SLC39A8: variants seen among roughly 807,000 people sequenced by gnomAD.
SLC39A8 encodes solute carrier family 39 member 8, also known as metal cation symporter ZIP8.
A neutral mutation model predicts 40.4 loss-of-function variants in SLC39A8; 15 were observed. That is an observed-to-expected ratio of 0.37 (90% CI 0.25 to 0.57). The LOEUF (loss-of-function observed/expected upper bound fraction) is 0.57. SLC39A8 is among the 20% of genes least tolerant of loss of function. SLC39A8 has a pLI of 0.75. For missense variants in SLC39A8, 472 were observed against 558.8 expected (o/e 0.84, Z 1.57); for synonymous variants, 223 against 221.6 (o/e 1.01, Z -0.06).
chr4:102,278,151 T>C (rs1307323189), intron 6 of SLC39A8, among the ~76,000 whole-genome samples: 2 of 152,100 alleles, frequency 1.3e-5, no homozygotes, highest in African/African-American at 4.8e-5. Context: ...CTAATTAAAC[T>C]AAAGAGCTTC....
chr4:102,319,014 A>T (rs888098505), intron 2 of SLC39A8, among the ~76,000 whole-genome samples: 2 of 152,172 alleles, frequency 1.3e-5, no homozygotes, highest in African/African-American at 2.4e-5. Flanking sequence ...CTCTTGCCAC[A>T]TTAGGGTGAC....
intron 6 of SLC39A8, among the ~76,000 whole-genome samples, chr4:102,303,494 C>T (rs1734004202): frequency 6.6e-6 from 1 of 151,922 alleles, no homozygotes. Flanking sequence ...TAAGACAAAC[C>T]TCAGGAACTG....
At chr4:102,312,894 G>A (rs902193575) in intron 3 of SLC39A8, among the ~76,000 whole-genome samples, 1 of 152,102 alleles carries the variant, frequency 6.6e-6, no homozygotes, top group African/African-American at 2.4e-5. Flanking sequence ...ACTGGCTTCA[G>A]AGTCTGTGCT....
intron 2 of SLC39A8, 38 bp downstream of exon 2, chr4:102,344,406 C>A: frequency 7.1e-7 from 1 of 1,416,898 alleles, no homozygotes; most frequent in Non-Finnish European, 9.4e-7. Flanking sequence ...CTAGGGACAC[C>A]CACAGTACGG....
intron 6 of SLC39A8, among the ~76,000 whole-genome samples, chr4:102,296,243 A>G (rs1036301621): frequency 1.3e-5 from 2 of 152,084 alleles, no homozygotes; most frequent in African/African-American, 4.8e-5. Context: ...AATTCTGTAT[A>G]TTTTACCTTC....
Position 102,304,300 on chromosome 4 carries a change from A to C in SLC39A8, c.840+17T>G, listed in dbSNP as rs766165447. The C allele has an allele frequency of 5.0e-6, 8 of 1,596,204 alleles. No homozygotes were observed. Among genetic ancestry groups the C allele is most frequent in the Non-Finnish European group, 6.0e-6 (7 of 1,166,538 alleles). On this transcript the variant is annotated intron_variant, in intron 6 of 8. Coordinates refer to ENST00000356736, the MANE Select transcript of SLC39A8 (RefSeq NM_001135146.2). ...AAGAATGCAGTATAATGAAGGAAAA[A>C]TGGAATTAACATATACCTGTAGAGA...
chr4:102,302,595 A>G (rs551346694), intron 6 of SLC39A8, among the ~76,000 whole-genome samples: 1 of 152,142 alleles, frequency 6.6e-6, no homozygotes, highest in South Asian at 2.1e-4. Context: ...TAGAGCAGCA[A>G]CATAAGGAAG....
chr4:102,345,249 G>A (rs1367707678), intron 1 of SLC39A8, 96 bp downstream of exon 1: 2 of 152,478 alleles, frequency 1.3e-5, no homozygotes, highest in Non-Finnish European at 2.9e-5. Flanking sequence ...GGCTCTTCCG[G>A]AGTCCTGGGG....
chr4:102,333,872 C>CAAAGG (rs1735567219), intron 2 of SLC39A8, among the ~76,000 whole-genome samples: 3 of 151,978 alleles, frequency 2.0e-5, no homozygotes, highest in African/African-American at 4.8e-5. Context: ...AAAGAATGAG[C>CAAAGG]AAAGGAAATC....
At chr4:102,259,503 C>A, downstream of SLC39A8, 1 of 1,544,134 alleles carries the variant, frequency 6.5e-7, no homozygotes, top group South Asian at 1.2e-5. Context: ...CATCAGTAGC[C>A]CATTTGATTA....
At position 102,304,499 on chromosome 4, in the gene SLC39A8, C is replaced by A. The variant is rs369913519; in HGVS notation, c.676-18G>T. ...TGACCATTCTATATGGGAACAAAAA[C>A]CAAAGAGATTATAAGAAGAAAAAAG... On this transcript the variant is annotated intron_variant, in intron 5 of 8. Coordinates refer to ENST00000356736, the MANE Select transcript of SLC39A8 (RefSeq NM_001135146.2). 16 of 1,591,930 alleles carry A rather than the reference C, an allele frequency of 1.0e-5. No individual in the cohort carries two copies. The African/African-American group carries it at 1.2e-4, about 12-fold the overall frequency.
intron 3 of SLC39A8, among the ~76,000 whole-genome samples, chr4:102,312,706 C>T (rs1394486844): frequency 1.3e-5 from 2 of 152,114 alleles, no homozygotes; most frequent in Admixed American, 6.6e-5. Context: ...AGGCCTACCA[C>T]AGCACCTAGG....
At chr4:102,310,661 ACAT>A (rs1734392053) in intron 3 of SLC39A8, among the ~76,000 whole-genome samples, 1 of 152,114 alleles carries the variant, frequency 6.6e-6, no homozygotes, top group Non-Finnish European at 1.5e-5. Context: ...TATTGTTAGA[ACAT>A]CATTCAGAAA....
intron 6 of SLC39A8, among the ~76,000 whole-genome samples, chr4:102,279,647 G>A (rs1055793410): frequency 3.3e-5 from 5 of 152,166 alleles, no homozygotes; most frequent in Non-Finnish European, 7.4e-5. Context: ...CCTATAATGA[G>A]CAGTTTAGGC....
intron 6 of SLC39A8, among the ~76,000 whole-genome samples, chr4:102,274,377 T>C (rs1732517340): frequency 6.6e-6 from 1 of 151,932 alleles, no homozygotes; most frequent in African/African-American, 2.4e-5. Flanking sequence ...CTTAATAAAA[T>C]AAAGCATGAA....
intron 2 of SLC39A8, among the ~76,000 whole-genome samples, chr4:102,327,562 C>T (rs184988558): frequency 2.4e-4 from 36 of 152,330 alleles, no homozygotes. Context: ...TCTCCAGACT[C>T]CAGACATCCC....
At chr4:102,268,198 A>T (rs1378944518) in intron 6 of SLC39A8, 119 bp from the exon 7 acceptor site, 2 of 980,988 alleles carry the variant, frequency 2.0e-6, no homozygotes, top group East Asian at 4.9e-5. Flanking sequence ...AGTCTTTTAG[A>T]GTAACTAGGA....
intron 2 of SLC39A8, 53 bp downstream of exon 2, chr4:102,344,391 G>T: frequency 7.8e-7 from 1 of 1,289,988 alleles, no homozygotes; most frequent in Non-Finnish European, 1.0e-6. Context: ...TATACAAAGT[G>T]AAGTCTAGGG....
intron 2 of SLC39A8, among the ~76,000 whole-genome samples, chr4:102,328,753 C>T (rs1055251799): frequency 6.6e-6 from 1 of 152,100 alleles, no homozygotes; most frequent in Non-Finnish European, 1.5e-5. Flanking sequence ...GGGCCGGGCA[C>T]GGTGGCTCAC....
Sources: gnomAD v4.1 joint callset for allele counts (sites outside exome capture counted in the v4.1 genomes callset) on GRCh38, gnomAD v4.1.1 for gene constraint, MANE v1.5 for transcripts, NCBI Gene and HGNC (gene_info 2026-07-23, HGNC 2026-07-21) for gene names.